The following KANSL1 variants were observed in gnomAD, a reference collection of about 807,000 sequenced individuals.
KANSL1 encodes KAT8 regulatory NSL complex subunit 1, also known as MLL1/MLL complex subunit KANSL1.
Under a neutral mutation model 103.6 loss-of-function variants are expected in KANSL1, and 22 were observed. The ratio of observed to expected loss-of-function variants is 0.21; its 90% CI spans 0.15 to 0.30. The LOEUF (loss-of-function observed/expected upper bound fraction) is 0.30. Ranked by LOEUF, KANSL1 falls within the 10% of genes least tolerant of loss-of-function variation. The pLI is 1.00. For synonymous variants in KANSL1, 600 were observed against 527.6 expected, an observed-to-expected ratio of 1.14 and a Z score of -1.88; for missense variants, 1,337 against 1,399.8, an observed-to-expected ratio of 0.96 and a Z score of 0.72.
intron 3 of KANSL1, among the ~76,000 whole-genome samples, chr17:46,089,794 C>A (rs1361375779): frequency 3.3e-5 from 5 of 152,208 alleles, no homozygotes; most frequent in African/African-American, 9.7e-5. Flanking sequence ...CTCTGATCTT[C>A]CATTGTTTAT....
chr17:46,080,312 TAA>T lies in KANSL1; in HGVS notation c.1533+2127_1533+2128del, dbSNP rs35520207. Among the ~76,000 whole-genome samples the T allele has an allele frequency of 2.9e-3, 228 of 77,770 alleles. 1 individual carries two copies. Among genetic ancestry groups the T allele is most frequent in the East Asian group, 0.02 (65 of 3,264 alleles). The allele number at this position is 77,770 out of a possible 152,430, so 51.0% of individuals were successfully genotyped here. A position where few individuals can be genotyped will look rare whatever the true frequency, so the allele number is the denominator to read the frequency against. On this transcript the variant is annotated intron_variant, in intron 4 of 14. Coordinates refer to ENST00000432791, the MANE Select transcript of KANSL1 (RefSeq NM_015443.4). ...TGGGTGACAGAGCAAGAGCCTGTCTTAAAAAAAAAAAAAAAAAAAAAAAAGGA... is the reference window on the plus strand; with the variant it reads ...TGGGTGACAGAGCAAGAGCCTGTCTTAAAAAAAAAAAAAAAAAAAAAAGGA...
Position 46,146,666 on chromosome 17 carries a change from TACTAAAAATACAAAAAATTAGCC to T in KANSL1, c.1289+24166_1289+24188del. On this transcript the variant is annotated intron_variant, in intron 2 of 14. Transcript: ENST00000432791. Reference sequence around the variant, plus strand: ...AGCTAAAACGGTGAAACCCCGTCTCTACTAAAAATACAAAAAATTAGCCGGGCGTAGTGGCGGGCGCCTGTAGT... The same window carrying T: ...AGCTAAAACGGTGAAACCCCGTCTCTGGGCGTAGTGGCGGGCGCCTGTAGT... 9.1e-5 allele frequency among the ~76,000 whole-genome samples: 12 copies of T among 131,944 alleles called. 4 individuals carry two copies. The highest frequency in any genetic ancestry group is 1.8e-4 in the Non-Finnish European group (10 of 55,204). 86.6% of individuals were successfully genotyped at this position (131,944 alleles called of 152,430 possible).
At chr17:46,110,262 G>A (rs2042745448) in intron 2 of KANSL1, among the ~76,000 whole-genome samples, 1 of 152,316 alleles carries the variant, frequency 6.6e-6, no homozygotes, top group Admixed American at 6.5e-5. Flanking sequence ...GAAGGTTTAT[G>A]TTTTACTTCA....
intron 5 of KANSL1, 54 bp from the exon 6 acceptor site, chr17:46,066,786 T>A: frequency 7.7e-7 from 1 of 1,305,446 alleles, no homozygotes; most frequent in Non-Finnish European, 1.1e-6. Flanking sequence ...ACAAAATAAA[T>A]AAACAACAAG....
chr17:46,176,887 A>G (rs1473172921), intron 1 of KANSL1, among the ~76,000 whole-genome samples: 1 of 152,140 alleles, frequency 6.6e-6, no homozygotes, highest in African/African-American at 2.4e-5. Flanking sequence ...GGGGGAGGAG[A>G]GAGAGTGCAG....
chr17:46,142,618 C>T (rs1338226155), intron 2 of KANSL1, among the ~76,000 whole-genome samples: 1 of 115,738 alleles, frequency 8.6e-6, no homozygotes, highest in Non-Finnish European at 2.3e-5. Flanking sequence ...TGTATCAAAA[C>T]AAAACAAAAC....
intron 3 of KANSL1, among the ~76,000 whole-genome samples, chr17:46,085,739 G>T (rs1464677761): frequency 6.6e-6 from 1 of 151,990 alleles, no homozygotes; most frequent in East Asian, 1.9e-4. Flanking sequence ...TAATGCACTT[G>T]CCTCAAACTC....
chr17:46,211,854 C>T (rs2532417), intron 1 of KANSL1, among the ~76,000 whole-genome samples: 21,957 of 152,146 alleles, frequency 0.14, 2,134 homozygotes, highest in Non-Finnish European at 0.22. Flanking sequence ...TTCAAGTGCT[C>T]GGATAAATGT....
chr17:46,096,702 T>C (rs62061799), intron 2 of KANSL1, among the ~76,000 whole-genome samples: 21,549 of 151,532 alleles, frequency 0.14, 2,115 homozygotes, highest in Non-Finnish European at 0.22. Context: ...CACTGCAAGC[T>C]CCGCCTCCCG....
chr17:46,066,993 G>GT (rs2078402766), intron 5 of KANSL1, among the ~76,000 whole-genome samples: 1 of 152,164 alleles, frequency 6.6e-6, no homozygotes, highest in South Asian at 2.1e-4. Context: ...ATAAACTCAA[G>GT]TTCTAGTGAT....
At chr17:46,213,687 G>A (rs2048245905) in intron 1 of KANSL1, among the ~76,000 whole-genome samples, 1 of 151,866 alleles carries the variant, frequency 6.6e-6, no homozygotes, top group African/African-American at 2.4e-5. Context: ...GGAGGCCGAG[G>A]TGGGTGGATC....
intron 4 of KANSL1, 62 bp downstream of exon 4, chr17:46,082,379 G>A (rs1277323389): frequency 7.9e-6 from 8 of 1,010,528 alleles, no homozygotes; most frequent in African/African-American, 1.6e-5. Context: ...GAGAAAAAAC[G>A]GTGTGCCAAG....
At position 46,170,904 on chromosome 17, in the gene KANSL1, C is replaced by T. The variant is rs1361181276; in HGVS notation, c.1240G>A (p.Glu414Lys). Residue 414 changes from glutamate (E) to lysine (K), a missense_variant, in exon 2 of 15, where the codon GAA becomes AAA. Physicochemically the swap from Glu to Lys is moderately conservative, Grantham distance 56 (BLOSUM62 1). Around this residue, in one of 2 missense-constraint regions of KANSL1, gnomAD observed 780 missense variants for 923.4 expected, o/e 0.84. Transcript: ENST00000432791. ...TCAGCTCTGGTCAGTTCTTCCTCTT[C>T]AATATCAGACTCCCCTCCTGAACTA... ...DSSSGGESDI[E>K]EEELTRADPE... 6.2e-7 allele frequency: 1 copy of T among 1,613,788 alleles called. No individual in the cohort carries two copies. The highest frequency in any genetic ancestry group is 8.5e-7 in the Non-Finnish European group (1 of 1,179,928).
chr17:46,130,778 C>G (rs17661428), intron 2 of KANSL1, among the ~76,000 whole-genome samples: 21,447 of 151,882 alleles, frequency 0.14, 2,112 homozygotes, highest in Non-Finnish European at 0.22. Flanking sequence ...TAGAAAATAA[C>G]ATCCCAGTTT....
At chr17:46,208,458 A>T (rs1436338828) in intron 1 of KANSL1, among the ~76,000 whole-genome samples, 3 of 151,832 alleles carry the variant, frequency 2.0e-5, no homozygotes, top group Non-Finnish European at 1.5e-5. Flanking sequence ...CTAAAAATAT[A>T]AAAAAATAGC....
chr17:46,057,066 T>C lies in KANSL1; in HGVS notation c.1849-6362A>G, dbSNP rs1005585275. On this transcript the variant is annotated intron_variant, in intron 6 of 14. Transcript: ENST00000432791. ...AGCACAGGCTCCCATTAAATATTAGTGGTGAGTCACAGTAAACATAAGACT... is the reference window on the plus strand; with the variant it reads ...AGCACAGGCTCCCATTAAATATTAGCGGTGAGTCACAGTAAACATAAGACT... Among the ~76,000 whole-genome samples the C allele has an allele frequency of 2.6e-5, 4 of 152,142 alleles. No individual in the cohort carries two copies. The South Asian group carries it at 6.2e-4, about 24-fold the overall frequency.
At chr17:46,132,496 T>C (rs2043913600) in intron 2 of KANSL1, among the ~76,000 whole-genome samples, 1 of 152,194 alleles carries the variant, frequency 6.6e-6, no homozygotes, top group Non-Finnish European at 1.5e-5. Context: ...GGGAAATTGT[T>C]AGAAGCCCAT....
At chr17:46,187,756 T>C (rs762600001) in intron 1 of KANSL1, among the ~76,000 whole-genome samples, 2 of 152,256 alleles carry the variant, frequency 1.3e-5, no homozygotes, top group Non-Finnish European at 2.9e-5. Flanking sequence ...GTCTACTCTA[T>C]TTAAAAGGTC....
chr17:46,062,127 A>AAC lies in KANSL1; in HGVS notation c.1848+4409_1848+4410insGT. 1.4e-5 allele frequency among the ~76,000 whole-genome samples: 2 copies of AAC among 140,612 alleles called. 1 individual carries two copies. The allele number at this position is 140,612 out of a possible 152,430, so 92.2% of individuals were successfully genotyped here. On this transcript the variant is annotated intron_variant, in intron 6 of 14. Transcript: ENST00000432791. ...AAAAAAAACAAACAAACAAAAAAAAAAAAAAAACATGTTACAGCAGATTTA... is the reference window on the plus strand; with the variant it reads ...AAAAAAAACAAACAAACAAAAAAAAAACAAAAAAACATGTTACAGCAGATTTA...
Sources: gnomAD v4.1 joint callset for allele counts (sites outside exome capture counted in the v4.1 genomes callset) on GRCh38, gnomAD v4.1.1 for gene constraint, gnomAD v4.1.1 regional missense constraint, MANE v1.5 for transcripts, NCBI Gene and HGNC (gene_info 2026-07-23, HGNC 2026-07-21) for gene names.